ZBBX: variants seen among roughly 807,000 people sequenced by gnomAD.
ZBBX encodes the protein zinc finger B-box domain-containing protein 1.
ZBBX carries 101 observed loss-of-function variants against 108.5 expected under a neutral mutation model. The observed-to-expected ratio is 0.93, with a 90% CI of 0.79 to 1.10. The LOEUF (loss-of-function observed/expected upper bound fraction) is 1.10, where lower values mean the gene tolerates loss of function less well. Among genes scored for constraint, ZBBX ranks in the 50% least tolerant of loss-of-function variants. The pLI is 0.00. For synonymous variants in ZBBX, 356 were observed against 323.4 expected (o/e 1.10, Z -1.08); for missense variants, 1,009 against 941.4 (o/e 1.07, Z -0.94).
the ZBBX span, among the ~76,000 whole-genome samples, chr3:167,181,639 G>A: frequency 5.3e-5 from 8 of 152,048 alleles, no homozygotes; most frequent in Non-Finnish European, 1.2e-4. Flanking sequence ...CCTCCTGTTC[G>A]TTTAATTTCA....
chr3:167,234,771 A>T, the ZBBX span, among the ~76,000 whole-genome samples: 48 of 151,686 alleles, frequency 3.2e-4, no homozygotes, highest in Non-Finnish European at 4.3e-4. Flanking sequence ...TAAAACCCCA[A>T]TTTTATTCTA....
chr3:167,187,326 T>C, the ZBBX span, among the ~76,000 whole-genome samples: 1 of 152,112 alleles, frequency 6.6e-6, no homozygotes, highest in East Asian at 1.9e-4. Context: ...CGTGAGAATT[T>C]TACTATGCAA....
intron 8 of ZBBX, among the ~76,000 whole-genome samples, chr3:167,358,672 C>T: frequency 6.6e-6 from 1 of 151,938 alleles, no homozygotes. Flanking sequence ...CGTGGTGGCT[C>T]ACACCTGTAA....
At chr3:167,251,929 C>CACACACACACAT (rs1186376436) in intron 20 of ZBBX, among the ~76,000 whole-genome samples, 47 of 147,668 alleles carry the variant, frequency 3.2e-4, no homozygotes, top group African/African-American at 1.2e-3. Context: ...GCCTGCAACA[C>CACACACACACAT]ACACACACAC....
chr3:167,266,330 T>C (rs1284432501), intron 20 of ZBBX, among the ~76,000 whole-genome samples: 1 of 152,222 alleles, frequency 6.6e-6, no homozygotes, highest in Non-Finnish European at 1.5e-5. Context: ...TTTGTGAGTC[T>C]CTCTTCAAAA....
the ZBBX span, among the ~76,000 whole-genome samples, chr3:167,204,661 T>G: frequency 2.7e-5 from 4 of 150,256 alleles, no homozygotes; most frequent in South Asian, 8.5e-4. Context: ...TTTGGGTTGG[T>G]TCCAAGTCTT....
At chr3:167,234,466 T>C in the ZBBX span, among the ~76,000 whole-genome samples, 1 of 151,818 alleles carries the variant, frequency 6.6e-6, no homozygotes, top group Non-Finnish European at 1.5e-5. Context: ...AGCTGAATAA[T>C]GAGGAGGTCT....
chr3:167,347,223 ATATT>A (rs1741626407), intron 9 of ZBBX, among the ~76,000 whole-genome samples: 1 of 151,964 alleles, frequency 6.6e-6, no homozygotes, highest in African/African-American at 2.4e-5. Context: ...ATTATTGTAT[ATATT>A]TAAAGTATAC....
At position 167,288,913 on chromosome 3, in the gene ZBBX, C is replaced by A. The variant is rs755473675; in HGVS notation, c.1950G>T (p.Leu650=). The change falls in exon 19 of 22, where the codon CTG becomes CTT. Residue 650 remains leucine (L), a synonymous_variant. Coordinates refer to ENST00000675490, the MANE Select transcript of ZBBX (RefSeq NM_001199201.2). ...TTGATGATGGACTCTGAGCACCCTG[C>A]AGAACACCCAAGACAATTGCATTAT... ...YADNAIVLGV[L]QGAQSPSSSR... The A allele has an allele frequency of 2.6e-6, 4 of 1,543,126 alleles. No individual in the cohort carries two copies. In the South Asian group the frequency reaches 4.8e-5, roughly 19 times the overall value.
At chr3:167,398,092 G>A (rs1265602825) in intron 1 of ZBBX, among the ~76,000 whole-genome samples, 2 of 151,818 alleles carry the variant, frequency 1.3e-5, no homozygotes, top group Admixed American at 6.6e-5. Flanking sequence ...AAAAATGAAC[G>A]AGCTTCAATT....
At chr3:167,241,015 G>A in intron 21 of ZBBX, 96 bp from the exon 22 acceptor site, 1 of 1,416,774 alleles carries the variant, frequency 7.1e-7, no homozygotes, top group South Asian at 1.4e-5. Context: ...TGGAGTTGCT[G>A]GAGGCAAGCA....
intron 9 of ZBBX, among the ~76,000 whole-genome samples, chr3:167,343,454 T>C (rs1291027083): frequency 6.6e-6 from 1 of 151,918 alleles, no homozygotes; most frequent in East Asian, 1.9e-4. Flanking sequence ...CAATTGTCTT[T>C]ATTTCCCCTT....
chr3:167,300,530 T>A (rs1002308428), intron 17 of ZBBX, among the ~76,000 whole-genome samples: 2 of 152,022 alleles, frequency 1.3e-5, no homozygotes, highest in Non-Finnish European at 2.9e-5. Context: ...TATTTTATAC[T>A]GAGCAATGGA....
chr3:167,216,161 A>G, the ZBBX span, among the ~76,000 whole-genome samples: 1 of 152,024 alleles, frequency 6.6e-6, no homozygotes, highest in Admixed American at 6.6e-5. Context: ...GGGCATCCAA[A>G]CAAAAACAGA....
At chr3:167,296,312 A>G (rs1465229499) in intron 18 of ZBBX, among the ~76,000 whole-genome samples, 2 of 152,218 alleles carry the variant, frequency 1.3e-5, no homozygotes, top group East Asian at 3.9e-4. Flanking sequence ...ATGGTGAAAA[A>G]TAGAACATTT....
chr3:167,181,860 ACTCCTG>A, the ZBBX span, among the ~76,000 whole-genome samples: 1 of 152,060 alleles, frequency 6.6e-6, no homozygotes, highest in Admixed American at 6.6e-5. Flanking sequence ...GGGTCTATAG[ACTCCTG>A]TTGGCACTTT....
At chr3:167,250,927 C>G (rs938003467) in intron 20 of ZBBX, among the ~76,000 whole-genome samples, 1 of 152,102 alleles carries the variant, frequency 6.6e-6, no homozygotes, top group Admixed American at 6.5e-5. Context: ...ACCCGAGACC[C>G]GAGTGGAAAA....
chr3:167,332,657 G>A (rs1353677052), intron 10 of ZBBX, among the ~76,000 whole-genome samples: 3 of 152,140 alleles, frequency 2.0e-5, no homozygotes, highest in Admixed American at 2.0e-4. Flanking sequence ...TAAGCACAAT[G>A]CCTAGCATAA....
the ZBBX span, among the ~76,000 whole-genome samples, chr3:167,226,887 G>C: frequency 6.6e-6 from 1 of 151,682 alleles, no homozygotes; most frequent in South Asian, 2.1e-4. Flanking sequence ...CTTTCCCTAT[G>C]CGTAATAACT....
Sources: allele counts gnomAD v4.1 joint callset (sites outside exome capture counted in the v4.1 genomes callset), GRCh38; gene constraint gnomAD v4.1.1; transcripts MANE v1.5; gene names NCBI Gene and HGNC (gene_info 2026-07-23, HGNC 2026-07-21).